Variants in SYN2 observed in about 807,000 individuals in gnomAD.
The protein encoded by SYN2 is synapsin II.
Under a neutral mutation model 50.9 loss-of-function variants are expected in SYN2, and 19 were observed. The ratio of observed to expected loss-of-function variants is 0.37; its 90% CI spans 0.26 to 0.55. The LOEUF is 0.55. Among genes scored for constraint, SYN2 ranks in the 20% least tolerant of loss-of-function variants. The pLI, the probability that SYN2 is intolerant of heterozygous loss-of-function variation, is 0.81. For missense variants in SYN2, 587 were observed against 576.4 expected (o/e 1.02, Z -0.19); for synonymous variants, 255 against 224.9 (o/e 1.13, Z -1.20).
chr3:12,076,263 AC>A (rs1352040341), intron 1 of SYN2, among the ~76,000 whole-genome samples: 2 of 152,070 alleles, frequency 1.3e-5, no homozygotes, highest in Non-Finnish European at 2.9e-5. Flanking sequence ...TCATATTACC[AC>A]ATTTCTTGAA....
chr3:12,091,448 G>A (rs1695826337), intron 1 of SYN2, among the ~76,000 whole-genome samples: 1 of 152,110 alleles, frequency 6.6e-6, no homozygotes, highest in Non-Finnish European at 1.5e-5. Context: ...ATGGAGAGAT[G>A]GAGAAGTAGA....
chr3:12,021,863 G>C (rs760500595), intron 1 of SYN2, among the ~76,000 whole-genome samples: 1 of 152,034 alleles, frequency 6.6e-6, no homozygotes. Flanking sequence ...TCAGGAGCTC[G>C]AGACCAGCCT....
At chr3:12,157,280 G>T in intron 5 of SYN2, 5 of 1,032,898 alleles carry the variant, frequency 4.8e-6, no homozygotes, top group South Asian at 4.2e-5. Context: ...TAGACCCAAG[G>T]ATTACTGAGC....
chr3:12,021,966 A>G (rs951865960), intron 1 of SYN2, among the ~76,000 whole-genome samples: 1 of 151,626 alleles, frequency 6.6e-6, no homozygotes, highest in African/African-American at 2.4e-5. Context: ...GCTACTTTGG[A>G]GGTTGAGGCA....
intron 1 of SYN2, among the ~76,000 whole-genome samples, chr3:12,051,953 C>T (rs1172890626): frequency 6.6e-6 from 1 of 152,140 alleles, no homozygotes; most frequent in African/African-American, 2.4e-5. Flanking sequence ...GGGCTGTTGC[C>T]TCTTAGTTGG....
At chr3:12,168,622 G>T in intron 9 of SYN2, 144 bp downstream of exon 9, 1 of 684,712 alleles carries the variant, frequency 1.5e-6, no homozygotes. Context: ...TAACCTGCTA[G>T]GCTGACCCAC....
chr3:12,031,320 AGGTGT>A (rs775787373), intron 1 of SYN2, among the ~76,000 whole-genome samples: 5,657 of 140,520 alleles, frequency 0.04, 6 homozygotes, highest in East Asian at 0.12. Flanking sequence ...ATTTTGGAAT[AGGTGT>A]GGTGTGGTGC....
Position 12,154,828 on chromosome 3 carries a change from G to T in SYN2, c.774+3502G>T, listed in dbSNP as rs917981795. Among the ~76,000 whole-genome samples the T allele has an allele frequency of 3.5e-4, 53 of 151,952 alleles. No individual in the cohort carries two copies. In the East Asian group the frequency reaches 8.9e-3, roughly 26 times the overall value. On this transcript the variant is annotated intron_variant, in intron 5 of 12. Transcript: ENST00000621198. ...GCTGGAAGATGAAAATTATAAAGTT[G>T]TCAGATTAAATGAGAGATTGTCTAT...
intron 1 of SYN2, among the ~76,000 whole-genome samples, chr3:12,015,441 C>G (rs1000985639): frequency 2.0e-5 from 3 of 152,086 alleles, no homozygotes; most frequent in African/African-American, 7.2e-5. Flanking sequence ...TTATCAGTGA[C>G]TTATGAAAAA....
chr3:12,015,632 A>G (rs1437088722), intron 1 of SYN2, among the ~76,000 whole-genome samples: 3 of 152,096 alleles, frequency 2.0e-5, no homozygotes, highest in South Asian at 2.1e-4. Flanking sequence ...AATTTCCTAC[A>G]CCTTCCGTTA....
At chr3:12,151,679 C>T (rs139745783) in intron 5 of SYN2, among the ~76,000 whole-genome samples, 74 of 152,322 alleles carry the variant, frequency 4.9e-4, no homozygotes, top group Admixed American at 9.8e-4. Context: ...TCCAATAAGA[C>T]GGTCAAGTGG....
chr3:12,042,278 C>G (rs1694636631), intron 1 of SYN2, among the ~76,000 whole-genome samples: 1 of 151,996 alleles, frequency 6.6e-6, no homozygotes, highest in African/African-American at 2.4e-5. Flanking sequence ...TTAATTCTCC[C>G]CCAAATTTTG....
intron 1 of SYN2, among the ~76,000 whole-genome samples, chr3:12,044,963 G>A (rs1694703902): frequency 6.6e-6 from 1 of 152,150 alleles, no homozygotes; most frequent in Non-Finnish European, 1.5e-5. Context: ...TGAGAAAATT[G>A]AAGATTAGAG....
intron 4 of SYN2, among the ~76,000 whole-genome samples, chr3:12,148,056 A>G (rs970262240): frequency 1.2e-4 from 18 of 151,992 alleles, no homozygotes; most frequent in Non-Finnish European, 2.1e-4. Flanking sequence ...GGAGCTTGCA[A>G]TGAGCCAAGA....
At chr3:12,014,168 G>A (rs1693973627) in intron 1 of SYN2, among the ~76,000 whole-genome samples, 1 of 152,154 alleles carries the variant, frequency 6.6e-6, no homozygotes, top group Non-Finnish European at 1.5e-5. Context: ...GGTTCTCTGA[G>A]GACAGACAGG....
chr3:12,159,962 G>A (rs1365215643), intron 5 of SYN2, among the ~76,000 whole-genome samples: 3 of 138,358 alleles, frequency 2.2e-5, no homozygotes, highest in Non-Finnish European at 4.6e-5. Context: ...AGAATGGCTT[G>A]AACCCAGGAG....
chr3:12,191,103 C>G lies in SYN2; in HGVS notation c.*478C>G. 1.0e-6 allele frequency: 1 copy of G among 986,714 alleles called. No individual in the cohort carries two copies. The allele number at this position is 986,714 out of a possible 1,614,324, so 61.1% of individuals were successfully genotyped here. ...CTAAGTTTTAGGAACTTTCCCCGAC[C>G]TGGATCCCTTGTCATACCTGTGTTA... On this transcript the variant is annotated 3_prime_UTR_variant, in exon 13 of 13. Transcript: ENST00000621198.
intron 1 of SYN2, among the ~76,000 whole-genome samples, chr3:12,127,222 A>T (rs755276519): frequency 2.0e-5 from 3 of 152,204 alleles, no homozygotes; most frequent in Admixed American, 2.0e-4. Flanking sequence ...GTGTATTTCA[A>T]TGGATCATTA....
chr3:12,074,919 T>C (rs1230709546), intron 1 of SYN2, among the ~76,000 whole-genome samples: 1 of 152,162 alleles, frequency 6.6e-6, no homozygotes, highest in Non-Finnish European at 1.5e-5. Context: ...CCCTGTATCC[T>C]TGCAATAAAT....
Sources: allele counts gnomAD v4.1 joint callset (sites outside exome capture counted in the v4.1 genomes callset), GRCh38; gene constraint gnomAD v4.1.1; transcripts MANE v1.5; gene names NCBI Gene and HGNC (gene_info 2026-07-23, HGNC 2026-07-21).